The following SLC22A23 variants were observed in gnomAD, a reference collection of about 807,000 sequenced individuals.
SLC22A23 encodes ion transporter protein.
A neutral mutation model predicts 61.0 loss-of-function variants in SLC22A23; 26 were observed. The ratio of observed to expected loss-of-function variants is 0.43; its 90% confidence interval spans 0.31 to 0.59. The LOEUF is 0.59. SLC22A23 is among the 20% of genes least tolerant of loss of function. The pLI, the probability that SLC22A23 is intolerant of heterozygous loss-of-function variation, is 0.11. For missense variants in SLC22A23, 796 were observed against 934.7 expected (o/e 0.85, Z 1.94); for synonymous variants, 430 against 413.9 (o/e 1.04, Z -0.47).
chr6:3,359,617 A>G (rs991140662), intron 3 of SLC22A23, among the ~76,000 whole-genome samples: 2 of 152,248 alleles, frequency 1.3e-5, no homozygotes, highest in African/African-American at 4.8e-5. Context: ...ACAACGGTGC[A>G]GCCAACTGGA....
chr6:3,362,428 AT>A (rs754886411), intron 3 of SLC22A23, among the ~76,000 whole-genome samples: 44,224 of 121,500 alleles, frequency 0.36, 14,629 homozygotes, highest in East Asian at 0.48. Flanking sequence ...AAAATAAAAA[AT>A]AAAAAATAAA....
chr6:3,449,382 C>G (rs1035507886), intron 1 of SLC22A23, among the ~76,000 whole-genome samples: 5 of 152,138 alleles, frequency 3.3e-5, no homozygotes, highest in Non-Finnish European at 7.4e-5. Flanking sequence ...AAAAACCAAA[C>G]AGCAAACTCG....
intron 3 of SLC22A23, among the ~76,000 whole-genome samples, chr6:3,378,760 C>T (rs1434248316): frequency 2.0e-5 from 3 of 146,816 alleles, no homozygotes; most frequent in Admixed American, 7.0e-5. Context: ...AGGGTTCAAG[C>T]GATTCTCTTG....
intron 5 of SLC22A23, chr6:3,290,204 T>C: frequency 2.7e-6 from 1 of 374,226 alleles, no homozygotes; most frequent in Non-Finnish European, 5.0e-6. Flanking sequence ...AGTACAGAGC[T>C]CAGCGATGAT....
rs1358749802 is a variant in SLC22A23, at chr6:3,398,788, G to A, written c.913+11400C>T. Among the ~76,000 whole-genome samples the A allele has an allele frequency of 2.6e-5, 4 of 152,160 alleles. No homozygotes were observed. In the East Asian group the frequency reaches 7.7e-4, roughly 29 times the overall value. On this transcript the variant is annotated intron_variant, in intron 3 of 9. Coordinates refer to ENST00000406686, the MANE Select transcript of SLC22A23 (RefSeq NM_015482.2). ...CTCATACCTGTAATCCCAGCACTTT[G>A]GGAGGCCGAGATGGGAGAACTGCTT...
At chr6:3,393,376 T>C (rs940241942) in intron 3 of SLC22A23, among the ~76,000 whole-genome samples, 4 of 152,230 alleles carry the variant, frequency 2.6e-5, no homozygotes, top group Non-Finnish European at 5.9e-5. Flanking sequence ...TGGTTACTTA[T>C]GTGAATTAAA....
At chr6:3,433,741 C>G (rs1328006940) in intron 1 of SLC22A23, among the ~76,000 whole-genome samples, 1 of 152,188 alleles carries the variant, frequency 6.6e-6, no homozygotes, top group African/African-American at 2.4e-5. Context: ...GAACAACTAT[C>G]AATGTGCACA....
chr6:3,395,363 C>T (rs1460276649), intron 3 of SLC22A23, among the ~76,000 whole-genome samples: 2 of 152,182 alleles, frequency 1.3e-5, no homozygotes, highest in East Asian at 1.9e-4. Flanking sequence ...GTACGGCAAA[C>T]CCTACTGAGC....
At chr6:3,363,153 C>T (rs890630386) in intron 3 of SLC22A23, among the ~76,000 whole-genome samples, 11 of 152,324 alleles carry the variant, frequency 7.2e-5, no homozygotes, top group South Asian at 4.1e-4. Flanking sequence ...TTTTTTGTGA[C>T]TTATATCTTT....
rs544548987 is a variant in SLC22A23 at position 3,403,339 on chromosome 6, T to C, written c.913+6849A>G. On this transcript the variant is annotated intron_variant, in intron 3 of 9. Transcript: ENST00000406686. Reference sequence around the variant, plus strand: ...TTTTAGCTTCAGGTCCCATCCTGTCTGTCCAGGTGTGGAAAAAAAAAAAAC... The same window carrying C: ...TTTTAGCTTCAGGTCCCATCCTGTCCGTCCAGGTGTGGAAAAAAAAAAAAC... Among the ~76,000 whole-genome samples the C allele has an allele frequency of 2.6e-5, 4 of 151,958 alleles. No homozygotes were observed. In the East Asian group the frequency reaches 7.7e-4, roughly 29 times the overall value.
intron 3 of SLC22A23, among the ~76,000 whole-genome samples, chr6:3,384,649 T>A (rs115779910): frequency 0.016 from 2,501 of 152,358 alleles, 51 homozygotes; most frequent in Non-Finnish European, 0.02. Flanking sequence ...TATTCATTAA[T>A]GCTTATGGTA....
At chr6:3,325,238 G>T (rs1048165195) in intron 3 of SLC22A23, among the ~76,000 whole-genome samples, 1 of 125,074 alleles carries the variant, frequency 8.0e-6, no homozygotes, top group African/African-American at 3.8e-5. Context: ...TCATCTGCTG[G>T]GTGTCTAGAG....
At chr6:3,377,432 C>A (rs1766649243) in intron 3 of SLC22A23, among the ~76,000 whole-genome samples, 1 of 152,166 alleles carries the variant, frequency 6.6e-6, no homozygotes, top group African/African-American at 2.4e-5. Flanking sequence ...CCACCAACTG[C>A]CAGACCTCTG....
intron 3 of SLC22A23, among the ~76,000 whole-genome samples, chr6:3,366,530 C>T (rs1055161765): frequency 2.0e-5 from 3 of 151,922 alleles, no homozygotes; most frequent in African/African-American, 7.3e-5. Context: ...TAGCACAGTT[C>T]CTGACTCAAC....
At chr6:3,370,818 C>A (rs1766170950) in intron 3 of SLC22A23, among the ~76,000 whole-genome samples, 1 of 152,256 alleles carries the variant, frequency 6.6e-6, no homozygotes, top group African/African-American at 2.4e-5. Flanking sequence ...TCTCTGCAGA[C>A]CTGCAGCAGG....
At chr6:3,359,748 C>G (rs1414969969) in intron 3 of SLC22A23, among the ~76,000 whole-genome samples, 2 of 152,154 alleles carry the variant, frequency 1.3e-5, no homozygotes, top group African/African-American at 2.4e-5. Context: ...TATTTGCACA[C>G]CTATGTTCAC....
chr6:3,379,282 G>A (rs1766801907), intron 3 of SLC22A23, among the ~76,000 whole-genome samples: 1 of 152,146 alleles, frequency 6.6e-6, no homozygotes, highest in Non-Finnish European at 1.5e-5. Flanking sequence ...CTTGGCAAAA[G>A]TAGTTTAAAA....
chr6:3,412,243 G>C (rs945959234), intron 2 of SLC22A23, among the ~76,000 whole-genome samples: 1 of 152,156 alleles, frequency 6.6e-6, no homozygotes, highest in African/African-American at 2.4e-5. Flanking sequence ...GAAAAATGGT[G>C]GCTAAAATCA....
intron 1 of SLC22A23, among the ~76,000 whole-genome samples, chr6:3,420,576 A>G (rs536472284): frequency 6.6e-6 from 1 of 152,346 alleles, no homozygotes; most frequent in African/African-American, 2.4e-5. Flanking sequence ...ACCTAAGGAA[A>G]CAACTGGTAG....
Sources: allele counts gnomAD v4.1 joint callset (sites outside exome capture counted in the v4.1 genomes callset), GRCh38; gene constraint gnomAD v4.1.1; transcripts MANE v1.5; gene names NCBI Gene and HGNC (gene_info 2026-07-23, HGNC 2026-07-21).